AIPL1: variants seen among roughly 807,000 people sequenced by gnomAD.
The protein encoded by AIPL1 is AIP like 1 HSP90 co-chaperone.
In AIPL1, 23 loss-of-function variants were observed where a neutral mutation model predicts 32.9. That is an observed-to-expected ratio of 0.70 (90% confidence interval 0.50 to 0.99). AIPL1 has a LOEUF of 0.99. Among genes scored for constraint, AIPL1 ranks in the 50% least tolerant of loss-of-function variants. The pLI, the probability that AIPL1 is intolerant of heterozygous loss-of-function variation, is 0.00. For missense variants in AIPL1, 485 were observed against 506.0 expected, an observed-to-expected ratio of 0.96 and a Z score of 0.40; for synonymous variants, 210 against 209.4, an observed-to-expected ratio of 1.00 and a Z score of -0.02.
At chr17:6,432,299 C>T (rs1203721285) in intron 2 of AIPL1, among the ~76,000 whole-genome samples, 4 of 151,570 alleles carry the variant, frequency 2.6e-5, no homozygotes, top group East Asian at 1.9e-4. Flanking sequence ...CACTTGAACC[C>T]GGGAGGCCAA....
rs1912206988 is a variant in AIPL1 at position 6,428,353 on chromosome 17, G to C, written c.430C>G (p.Pro144Ala). 3 of 1,611,260 alleles carry C rather than the reference G, an allele frequency of 1.9e-6. No individual in the cohort carries two copies. The highest frequency in any genetic ancestry group is 2.5e-6 in the Non-Finnish European group (3 of 1,180,038). ...TCGATCACAAAGACCAGAGGCTGAG[G>C]CTCCTTCTGCAGCTCGTCCAGGTCC... is the stretch of plus-strand genomic sequence containing the variant. Reference protein sequence around the residue: ...YEDLDELQKEPQPLVFVIELL... With the variant: ...YEDLDELQKEAQPLVFVIELL... Residue 144 changes from proline to alanine, a missense_variant, in exon 3 of 6, where the codon CCT becomes GCT. Transcript: ENST00000381129.
At chr17:6,428,568 A>G in intron 2 of AIPL1, 62 bp from the exon 3 acceptor site, 4 of 1,517,826 alleles carry the variant, frequency 2.6e-6, no homozygotes, top group Non-Finnish European at 2.7e-6. Flanking sequence ...TGGGCCATAA[A>G]AGGCCTCCAC....
chr17:6,427,293 A>C (rs1912096195), intron 3 of AIPL1, among the ~76,000 whole-genome samples: 1 of 152,202 alleles, frequency 6.6e-6, no homozygotes, highest in Admixed American at 6.5e-5. Context: ...TATTCAGAAA[A>C]TTGTCACGAA....
chr17:6,434,361 T>A (rs1359137473), intron 1 of AIPL1, among the ~76,000 whole-genome samples: 1 of 145,624 alleles, frequency 6.9e-6, no homozygotes, highest in Non-Finnish European at 1.5e-5. Flanking sequence ...GAGTTCTTTT[T>A]TTTTTTTTTT....
chr17:6,434,198 G>A, intron 1 of AIPL1, 100 bp from the exon 2 acceptor site: 2 of 1,354,336 alleles, frequency 1.5e-6, no homozygotes, highest in South Asian at 1.2e-5. Flanking sequence ...CCCAGGGTCA[G>A]CTCACTCAGT....
At chr17:6,431,041 G>A (rs1912556128) in intron 2 of AIPL1, among the ~76,000 whole-genome samples, 3 of 152,302 alleles carry the variant, frequency 2.0e-5, no homozygotes, top group African/African-American at 4.8e-5. Context: ...GATGAAGAGG[G>A]AACCAGGCAT....
chr17:6,427,825 T>A (rs570668509), intron 3 of AIPL1, among the ~76,000 whole-genome samples: 1 of 132,290 alleles, frequency 7.6e-6, no homozygotes, highest in African/African-American at 3.5e-5. Context: ...TTTTTTTTTC[T>A]TTTTTTTGGA....
At chr17:6,430,456 CAAAAAA>C (rs1169701817) in intron 2 of AIPL1, among the ~76,000 whole-genome samples, 4 of 44,514 alleles carry the variant, frequency 9.0e-5, no homozygotes, top group East Asian at 7.2e-4. Context: ...AAGTCCGTCT[CAAAAAA>C]AAAAAAAAAA....
intron 2 of AIPL1, among the ~76,000 whole-genome samples, chr17:6,429,562 C>T (rs1344116488): frequency 6.6e-6 from 1 of 152,228 alleles, no homozygotes; most frequent in Non-Finnish European, 1.5e-5. Flanking sequence ...GGCCCTGACT[C>T]AGCAGCCCCC....
rs748210823 is a variant in AIPL1, at chr17:6,433,957, G to A, written c.238C>T (p.Arg80Trp). 6 of 1,614,002 alleles carry A rather than the reference G, an allele frequency of 3.7e-6. No homozygotes were observed. Among genetic ancestry groups the A allele is most frequent in the African/African-American group, 1.3e-5 (1 of 75,032 alleles). Residue 80 changes from arginine (R) to tryptophan (W), a missense_variant, in exon 2 of 6, where the codon CGG becomes TGG. Physicochemically the swap from Arg to Trp is moderately radical, Grantham distance 101. Transcript: ENST00000381129. ...EVWEILLTSM[R>W]VHEVAEFWCD... ...CAGAACTCGGCCACCTCGTGCACCC[G>A]CATGGAGGTAAGCAGGATCTCCCAG...
At chr17:6,428,570 G>T in intron 2 of AIPL1, 64 bp from the exon 3 acceptor site, 2 of 1,505,148 alleles carry the variant, frequency 1.3e-6, no homozygotes, top group Non-Finnish European at 1.8e-6. Context: ...GGCCATAAAA[G>T]GCCTCCACTC....
chr17:6,434,999 C>A lies in AIPL1; in HGVS notation c.96+10G>T, dbSNP rs1369522704. On this transcript the variant is annotated intron_variant, in intron 1 of 5. Coordinates refer to ENST00000381129, the MANE Select transcript of AIPL1 (RefSeq NM_014336.5). ...GGGGACCCTGTCTGCTCCGGAGGGG[C>A]CCCACTCACTCGGGATCCGGTGATG... 5.0e-6 allele frequency: 8 copies of A among 1,614,014 alleles called. No homozygotes were observed. The highest frequency in any genetic ancestry group is 2.7e-5 in the African/African-American group (2 of 74,916).
intron 5 of AIPL1, 113 bp downstream of exon 5, chr17:6,426,502 A>G: frequency 6.6e-7 from 1 of 1,525,880 alleles, no homozygotes; most frequent in Non-Finnish European, 8.8e-7. Flanking sequence ...GGGTGGAGAC[A>G]AGGTTTGGTG....
Position 6,433,984 on chromosome 17 carries a change from C to A in AIPL1, c.211G>T (p.Val71Phe), listed in dbSNP as rs775364986. 2 of 1,614,150 alleles carry A rather than the reference C, an allele frequency of 1.2e-6. No homozygotes were observed. Residue 71 changes from valine (V) to phenylalanine (F), a missense_variant, in exon 2 of 6, where the codon GTC becomes TTC. Coordinates refer to ENST00000381129, the MANE Select transcript of AIPL1 (RefSeq NM_014336.5). ...ATGGAGGTAAGCAGGATCTCCCAGA[C>A]CTCGAGCTTGAACATGTTTCCGATG... is the stretch of plus-strand genomic sequence containing the variant. Reference protein sequence around the residue: ...IIIGNMFKLEVWEILLTSMRV... With the variant: ...IIIGNMFKLEFWEILLTSMRV...
chr17:6,428,241 G>C lies in AIPL1; in HGVS notation c.465+77C>G, dbSNP rs142688427. 7.4e-4 allele frequency: 1,124 copies of C among 1,518,446 alleles called. 12 individuals carry two copies. In the East Asian group the frequency reaches 0.022, roughly 30 times the overall value. 94.1% of individuals were successfully genotyped at this position (1,518,446 alleles called of 1,614,324 possible). On this transcript the variant is annotated intron_variant, in intron 3 of 5. Transcript: ENST00000381129. The stretch of plus-strand genomic sequence containing the variant: ...CAGGGCACTGTCCAGTGGCCAGTGG[G>C]GTGGGGGTGCCCATGATGCCCGCTG...
chr17:6,427,084 G>T (rs771612823), intron 3 of AIPL1, 27 bp from the exon 4 acceptor site: 2 of 1,613,368 alleles, frequency 1.2e-6, no homozygotes, highest in East Asian at 2.2e-5. Flanking sequence ...AGGTCAGTGA[G>T]GCAGGGACCC....
rs755111451 is a variant in AIPL1, at chr17:6,433,902, G to A, written c.276+17C>T. ...AAAAGACTAGTCCCAGGAGACAGGC[G>A]CGCAGGGCCTACTTACGATGGTGTC... is the stretch of plus-strand genomic sequence containing the variant. On this transcript the variant is annotated intron_variant, in intron 2 of 5. Coordinates refer to ENST00000381129, the MANE Select transcript of AIPL1 (RefSeq NM_014336.5). 5.6e-5 allele frequency: 89 copies of A among 1,591,268 alleles called. No homozygotes were observed. The highest frequency in any genetic ancestry group is 2.4e-4 in the African/African-American group (16 of 66,048).
chr17:6,433,611 T>TCTCTCTCTCTCTCTCTCTCTCTCTCTCA (rs758622569), intron 2 of AIPL1, among the ~76,000 whole-genome samples: 7 of 106,258 alleles, frequency 6.6e-5, no homozygotes, highest in African/African-American at 2.2e-4. Context: ...TCTCTCTCTC[T>TCTCTCTCTCTCTCTCTCTCTCTCTCTCA]CACACACACA....
chr17:6,426,257 G>T, intron 5 of AIPL1: 1 of 1,302,670 alleles, frequency 7.7e-7, no homozygotes. Flanking sequence ...GTCAATACTA[G>T]TACTGACGGT....
Sources: allele counts gnomAD v4.1 joint callset (sites outside exome capture counted in the v4.1 genomes callset), GRCh38; gene constraint gnomAD v4.1.1; transcripts MANE v1.5; gene names NCBI Gene and HGNC (gene_info 2026-07-23, HGNC 2026-07-21).